TLL1: variants seen among roughly 807,000 people sequenced by gnomAD.
TLL1 encodes the protein tolloid-like protein 1.
Under a neutral mutation model 128.2 loss-of-function variants are expected in TLL1, and 49 were observed. That is an observed-to-expected ratio of 0.38 (90% CI 0.30 to 0.48). The LOEUF (loss-of-function observed/expected upper bound fraction) is 0.48. Among genes scored for constraint, TLL1 ranks in the 20% least tolerant of loss-of-function variants. The pLI is 0.96. For missense variants in TLL1, 1,123 were observed against 1,242.0 expected, an observed-to-expected ratio of 0.90 and a Z score of 1.44; for synonymous variants, 454 against 418.8, an observed-to-expected ratio of 1.08 and a Z score of -1.03.
intron 19 of TLL1, among the ~76,000 whole-genome samples, chr4:166,092,729 A>AC (rs1553969619): frequency 1.3e-5 from 2 of 152,004 alleles, no homozygotes; most frequent in Admixed American, 6.6e-5. Context: ...AAGATTATGT[A>AC]TTTTTTCTTA....
At chr4:166,074,561 A>G (rs1474054235) in intron 16 of TLL1, among the ~76,000 whole-genome samples, 1 of 152,022 alleles carries the variant, frequency 6.6e-6, no homozygotes, top group Admixed American at 6.6e-5. Flanking sequence ...GTTTAGGGTT[A>G]ATTTGAAAAA....
chr4:165,951,630 A>G (rs540448833), intron 1 of TLL1, among the ~76,000 whole-genome samples: 11 of 152,268 alleles, frequency 7.2e-5, no homozygotes, highest in Non-Finnish European at 1.0e-4. Context: ...TACCCTAATG[A>G]CATAGTACTT....
At chr4:165,993,337 A>G (rs528495586) in intron 3 of TLL1, among the ~76,000 whole-genome samples, 1 of 152,190 alleles carries the variant, frequency 6.6e-6, no homozygotes, top group African/African-American at 2.4e-5. Flanking sequence ...TTATAAATAT[A>G]TATAAACATT....
intron 12 of TLL1, among the ~76,000 whole-genome samples, chr4:166,049,924 G>A (rs949397376): frequency 1.3e-5 from 2 of 151,822 alleles, no homozygotes; most frequent in African/African-American, 2.4e-5. Flanking sequence ...TGCTCCAAGC[G>A]TATATCATTT....
intron 19 of TLL1, among the ~76,000 whole-genome samples, chr4:166,098,505 G>C (rs192032854): frequency 1.4e-4 from 21 of 151,970 alleles, no homozygotes; most frequent in Admixed American, 5.9e-4. Flanking sequence ...AAAATAACTG[G>C]TATAGCCTAT....
intron 1 of TLL1, among the ~76,000 whole-genome samples, chr4:165,966,543 A>G (rs1000817965): frequency 1.3e-5 from 2 of 152,168 alleles, no homozygotes; most frequent in African/African-American, 4.8e-5. Flanking sequence ...CGATATTTCA[A>G]TGTAGGTTAT....
intron 12 of TLL1, among the ~76,000 whole-genome samples, chr4:166,049,304 A>C (rs1450581474): frequency 1.1e-4 from 17 of 152,196 alleles, no homozygotes. Flanking sequence ...AGTAGTAAAG[A>C]GAAGCGTCAG....
In TLL1 at chr4:166,025,373, A is replaced by G. The variant is rs114832064; in HGVS notation, c.1100A>G (p.Asn367Ser). Reference sequence around the variant, plus strand: ...AACCTTTCCTCTCCAGGATTTCCCAATGGCTACCCTTCTTACACACACTGC... The same window carrying G: ...AACCTTTCCTCTCCAGGATTTCCCAGTGGCTACCCTTCTTACACACACTGC... The part of the protein sequence containing the change: ...NGNLSSPGFP[N>S]GYPSYTHCIW... The change falls in exon 9 of 21, where the codon AAT becomes AGT. Residue 367 changes from asparagine to serine, a missense_variant. By Grantham distance (46) the Asn-to-Ser change is conservative. Transcript: ENST00000061240. 30 of 1,613,974 alleles carry G rather than the reference A, an allele frequency of 1.9e-5. No homozygotes were observed. The highest frequency in any genetic ancestry group is 3.3e-5 in the South Asian group (3 of 91,080).
At chr4:165,963,042 G>A (rs534154065) in intron 1 of TLL1, among the ~76,000 whole-genome samples, 40 of 122,418 alleles carry the variant, frequency 3.3e-4, no homozygotes, top group South Asian at 2.1e-3. Context: ...GTGACAGAGC[G>A]AGGCTCTGTC....
At chr4:165,944,336 A>G (rs1320062660) in intron 1 of TLL1, among the ~76,000 whole-genome samples, 1 of 152,174 alleles carries the variant, frequency 6.6e-6, no homozygotes, top group Admixed American at 6.6e-5. Context: ...ACAATGTAAG[A>G]AAAAGAAAGA....
intron 15 of TLL1, among the ~76,000 whole-genome samples, chr4:166,063,335 GA>G (rs1740424498): frequency 6.6e-6 from 1 of 152,110 alleles, no homozygotes; most frequent in Non-Finnish European, 1.5e-5. Flanking sequence ...AAAAAGTCAG[GA>G]AACCACAGGT....
intron 9 of TLL1, among the ~76,000 whole-genome samples, chr4:166,034,410 A>T (rs1489009932): frequency 6.6e-6 from 1 of 152,144 alleles, no homozygotes; most frequent in Non-Finnish European, 1.5e-5. Flanking sequence ...GCAAGCAGTT[A>T]GGGATGAGTG....
At chr4:166,079,101 G>A (rs1355336395) in intron 18 of TLL1, among the ~76,000 whole-genome samples, 1 of 152,088 alleles carries the variant, frequency 6.6e-6, no homozygotes, top group Non-Finnish European at 1.5e-5. Flanking sequence ...ACTGTTGAAG[G>A]ATACTAAATG....
chr4:166,056,493 CTATA>C (rs1459342757), intron 13 of TLL1, among the ~76,000 whole-genome samples: 1 of 151,776 alleles, frequency 6.6e-6, no homozygotes, highest in African/African-American at 2.4e-5. Flanking sequence ...AGCAAAATGT[CTATA>C]TAAGAAACAC....
intron 1 of TLL1, among the ~76,000 whole-genome samples, chr4:165,888,961 T>C (rs912290607): frequency 6.6e-6 from 1 of 152,206 alleles, no homozygotes; most frequent in Non-Finnish European, 1.5e-5. Context: ...TGCCCTCAGT[T>C]GAAAGCTGGT....
chr4:165,874,194 T>A, intron 1 of TLL1, 121 bp downstream of exon 1: 1 of 1,200,356 alleles, frequency 8.3e-7, no homozygotes, highest in Non-Finnish European at 1.2e-6. Context: ...CCGCCGCCCC[T>A]CCTTCTCTCC....
Position 166,093,261 on chromosome 4 carries a change from A to C in TLL1, c.2656+1920A>C, listed in dbSNP as rs112997705. ...GTTTTTATTGATTATTATTTTCACT[A>C]TCTCAGCAAGAGGAATGCGCTAGGA... On this transcript the variant is annotated intron_variant, in intron 19 of 20. Coordinates refer to ENST00000061240, the MANE Select transcript of TLL1 (RefSeq NM_012464.5). 3.9e-5 allele frequency among the ~76,000 whole-genome samples: 6 copies of C among 152,148 alleles called. No homozygotes were observed. The East Asian group carries it at 1.2e-3, about 29-fold the overall frequency.
intron 8 of TLL1, among the ~76,000 whole-genome samples, chr4:166,018,748 A>G (rs1738068451): frequency 6.6e-6 from 1 of 151,230 alleles, no homozygotes; most frequent in African/African-American, 2.4e-5. Context: ...TCCAAACTAC[A>G]ATGAGATGTC....
At chr4:166,044,422 A>G in intron 12 of TLL1, 2 of 1,535,402 alleles carry the variant, frequency 1.3e-6, no homozygotes, top group Non-Finnish European at 1.7e-6. Context: ...TCTCATCCTC[A>G]TCTGGAAGCC....
Sources: gnomAD v4.1 joint callset for allele counts (sites outside exome capture counted in the v4.1 genomes callset) on GRCh38, gnomAD v4.1.1 for gene constraint, MANE v1.5 for transcripts, NCBI Gene and HGNC (gene_info 2026-07-23, HGNC 2026-07-21) for gene names.